Variants in IPO9 observed in about 807,000 individuals in gnomAD.
IPO9 encodes the protein importin 9.
IPO9 carries 28 observed loss-of-function variants against 128.6 expected under a neutral mutation model. The observed-to-expected ratio is 0.22, with a 90% CI of 0.16 to 0.30. The LOEUF is 0.30. Among genes scored for constraint, IPO9 ranks in the 10% least tolerant of loss-of-function variants. The pLI is 1.00. For missense variants in IPO9, 935 were observed against 1,293.9 expected (o/e 0.72, Z 4.26); for synonymous variants, 455 against 475.8 (o/e 0.96, Z 0.57).
intron 1 of IPO9, among the ~76,000 whole-genome samples, chr1:201,831,385 G>A (rs180769560): frequency 2.0e-5 from 3 of 152,154 alleles, no homozygotes; most frequent in African/African-American, 7.2e-5. Context: ...TTTTGGATTT[G>A]GTTAGAGGGT....
At chr1:201,847,930 G>A (rs1244777448) in intron 3 of IPO9, among the ~76,000 whole-genome samples, 1 of 152,058 alleles carries the variant, frequency 6.6e-6, no homozygotes, top group African/African-American at 2.4e-5. Flanking sequence ...ACCAACTAAG[G>A]GTTTAAGAAT....
At position 201,880,488 on chromosome 1, in the gene IPO9, C is replaced by T. The variant is rs751756115; in HGVS notation, c.*4434C>T. On this transcript the variant is annotated 3_prime_UTR_variant, in exon 24 of 24. Coordinates refer to ENST00000361565, the MANE Select transcript of IPO9 (RefSeq NM_018085.5). Reference sequence around the variant, plus strand: ...TTAGCTTAGAGAAGACAAGAGGAAACAGGACATGGCTTTGGGAAGTTCAAG... The same window carrying T: ...TTAGCTTAGAGAAGACAAGAGGAAATAGGACATGGCTTTGGGAAGTTCAAG... 7.2e-5 allele frequency: 11 copies of T among 152,202 alleles called. No homozygotes were observed. The highest frequency in any genetic ancestry group is 1.2e-4 in the Non-Finnish European group (8 of 68,038). 9.4% of individuals were successfully genotyped at this position (152,202 alleles called of 1,614,324 possible).
intron 1 of IPO9, among the ~76,000 whole-genome samples, chr1:201,841,673 T>A (rs1183594757): frequency 6.6e-6 from 1 of 152,158 alleles, no homozygotes; most frequent in Admixed American, 6.6e-5. Flanking sequence ...AAATACAAGA[T>A]AAGTATAGAA....
rs150848870 is a variant in IPO9, at chr1:201,845,838, A to G, written c.164-1441A>G. ...CTACTGCATTGGATAGCACAGCCCT[A>G]CAATGTGAGATGTAAAAATTATGAT... On this transcript the variant is annotated intron_variant, in intron 1 of 23. Coordinates refer to ENST00000361565, the MANE Select transcript of IPO9 (RefSeq NM_018085.5). 2.6e-4 allele frequency among the ~76,000 whole-genome samples: 40 copies of G among 152,342 alleles called. No homozygotes were observed. In the East Asian group the frequency reaches 7.1e-3, roughly 27 times the overall value.
At chr1:201,859,688 G>A (rs1433284182) in intron 13 of IPO9, among the ~76,000 whole-genome samples, 2 of 152,160 alleles carry the variant, frequency 1.3e-5, no homozygotes, top group African/African-American at 4.8e-5. Context: ...GGCCAGGCGC[G>A]ATGGCTCATG....
At chr1:201,841,818 T>G (rs1343416980) in intron 1 of IPO9, among the ~76,000 whole-genome samples, 2 of 152,138 alleles carry the variant, frequency 1.3e-5, no homozygotes, top group East Asian at 1.9e-4. Context: ...TAAGATAGTA[T>G]TGGATTAAAA....
chr1:201,858,842 T>C lies in IPO9; in HGVS notation c.1329-13T>C. Reference sequence around the variant, plus strand: ...TTTAGTATGTTTTACTAGGCTGTAGTATCCTTTCACAGGTGGAAGATCCAT... The same window carrying C: ...TTTAGTATGTTTTACTAGGCTGTAGCATCCTTTCACAGGTGGAAGATCCAT... On this transcript the variant is annotated splice_polypyrimidine_tract_variant and intron_variant, in intron 12 of 23. Transcript: ENST00000361565. 3.8e-6 allele frequency: 6 copies of C among 1,590,552 alleles called. No homozygotes were observed. The highest frequency in any genetic ancestry group is 5.2e-6 in the Non-Finnish European group (6 of 1,160,532).
Position 201,883,660 on chromosome 1 carries a change from AG to A in IPO9, c.*7608del, listed in dbSNP as rs987372423. The A allele has an allele frequency of 2.7e-5, 4 of 149,238 alleles. No homozygotes were observed. Among genetic ancestry groups the A allele is most frequent in the African/African-American group, 1.0e-4 (4 of 38,576 alleles). 9.2% of individuals were successfully genotyped at this position (149,238 alleles called of 1,614,324 possible). On this transcript the variant is annotated 3_prime_UTR_variant, in exon 24 of 24. Transcript: ENST00000361565. The stretch of plus-strand genomic sequence containing the variant: ...AATGTTTTGCACTGTGTGAGACCCC[AG>A]GACCTTTTCGTGATTCTGGAGAGGG...
chr1:201,851,220 A>G lies in IPO9; in HGVS notation c.515-884A>G, dbSNP rs546887512. Among the ~76,000 whole-genome samples the G allele has an allele frequency of 2.8e-3, 400 of 143,084 alleles. 2 individuals are homozygous for G. Among genetic ancestry groups the G allele is most frequent in the Admixed American group, 4.6e-3 (64 of 13,802 alleles). The allele number at this position is 143,084 out of a possible 152,430, so 93.9% of individuals were successfully genotyped here. On this transcript the variant is annotated intron_variant, in intron 4 of 23. Coordinates refer to ENST00000361565, the MANE Select transcript of IPO9 (RefSeq NM_018085.5). The stretch of plus-strand genomic sequence containing the variant: ...TTTAAATGTACTGGCAGATCTTGCT[A>G]TGTTCAAGCTGGTCTTGAACTCCTG...
At chr1:201,864,676 A>G (rs1358322114) in intron 14 of IPO9, among the ~76,000 whole-genome samples, 1 of 152,210 alleles carries the variant, frequency 6.6e-6, no homozygotes, top group East Asian at 1.9e-4. Context: ...AAATAAGCCC[A>G]TTACTTTCCA....
At chr1:201,833,530 C>T (rs1489197212) in intron 1 of IPO9, among the ~76,000 whole-genome samples, 7 of 152,178 alleles carry the variant, frequency 4.6e-5, no homozygotes, top group Non-Finnish European at 7.3e-5. Flanking sequence ...TGAGCCACTG[C>T]GCCTGGCTGG....
intron 4 of IPO9, 44 bp downstream of exon 4, chr1:201,848,638 G>A (rs1398283957): frequency 3.8e-6 from 6 of 1,588,302 alleles, no homozygotes; most frequent in Non-Finnish European, 5.2e-6. Flanking sequence ...TGGATCTCAA[G>A]CGACAGGAGT....
intron 1 of IPO9, among the ~76,000 whole-genome samples, chr1:201,835,474 T>G (rs1399834974): frequency 6.6e-6 from 1 of 152,146 alleles, no homozygotes; most frequent in Non-Finnish European, 1.5e-5. Context: ...AGGATGCCAT[T>G]TTGGATAGGA....
chr1:201,841,676 G>C (rs945756418), intron 1 of IPO9, among the ~76,000 whole-genome samples: 3 of 152,162 alleles, frequency 2.0e-5, no homozygotes, highest in Admixed American at 1.3e-4. Flanking sequence ...TACAAGATAA[G>C]TATAGAATAT....
chr1:201,862,510 C>T (rs1264914449), intron 13 of IPO9, among the ~76,000 whole-genome samples: 10 of 151,302 alleles, frequency 6.6e-5, no homozygotes, highest in Non-Finnish European at 1.3e-4. Flanking sequence ...GAGATGGCAA[C>T]TTAGAAGATT....
Position 201,859,185 on chromosome 1 carries a change from ATATATAT to A in IPO9, c.1468+192_1468+198del, listed in dbSNP as rs1680392515. On this transcript the variant is annotated intron_variant, in intron 13 of 23. Coordinates refer to ENST00000361565, the MANE Select transcript of IPO9 (RefSeq NM_018085.5). ...TACCCTAGAACTCAAAGTATAATAT[ATATATAT>A]ATATATATATATATAAAGGAAACTC... Among the ~76,000 whole-genome samples the A allele has an allele frequency of 9.0e-5, 12 of 132,764 alleles. 1 individual carries two copies. The highest frequency in any genetic ancestry group is 3.8e-3 in the Middle Eastern group (1 of 262). The allele number at this position is 132,764 out of a possible 152,430, so 87.1% of individuals were successfully genotyped here.
At chr1:201,858,237 A>G (rs1227689731) in intron 11 of IPO9, among the ~76,000 whole-genome samples, 1 of 152,230 alleles carries the variant, frequency 6.6e-6, no homozygotes, top group Non-Finnish European at 1.5e-5. Context: ...TAGCCTTACA[A>G]TGCCTAGGCA....
chr1:201,829,539 G>T, intron 1 of IPO9, 167 bp downstream of exon 1: 1 of 492,828 alleles, frequency 2.0e-6, no homozygotes, highest in Non-Finnish European at 3.0e-6. Flanking sequence ...GAAAGTCCGA[G>T]AGAGGAGAGG....
At chr1:201,851,825 G>A (rs1192939168) in intron 4 of IPO9, among the ~76,000 whole-genome samples, 2 of 152,108 alleles carry the variant, frequency 1.3e-5, no homozygotes, top group East Asian at 1.9e-4. Context: ...GGACTTTTAT[G>A]CAGTTCTATT....
Sources: gnomAD v4.1 joint callset for allele counts (sites outside exome capture counted in the v4.1 genomes callset) on GRCh38, gnomAD v4.1.1 for gene constraint, MANE v1.5 for transcripts, NCBI Gene and HGNC (gene_info 2026-07-23, HGNC 2026-07-21) for gene names.